Variants in SNTG1 observed in about 807,000 individuals in gnomAD.
SNTG1 encodes gamma-1-syntrophin.
SNTG1 carries 39 observed loss-of-function variants against 74.7 expected under a neutral mutation model. The ratio of observed to expected loss-of-function variants is 0.52; its 90% confidence interval spans 0.40 to 0.68. The LOEUF is 0.68. Among genes scored for constraint, SNTG1 ranks in the 30% least tolerant of loss-of-function variants. The pLI, the probability that SNTG1 is intolerant of heterozygous loss-of-function variation, is 0.00. For missense variants in SNTG1, 685 were observed against 609.5 expected (o/e 1.12, Z -1.30); for synonymous variants, 254 against 217.1 (o/e 1.17, Z -1.49).
At chr8:50,141,427 A>G (rs935323782) in intron 1 of SNTG1, among the ~76,000 whole-genome samples, 4 of 152,296 alleles carry the variant, frequency 2.6e-5, no homozygotes, top group Admixed American at 2.6e-4. Context: ...CTTGGGTTTA[A>G]TTAGCATTTT....
intron 2 of SNTG1, among the ~76,000 whole-genome samples, chr8:50,324,457 C>T (rs2090656344): frequency 6.6e-6 from 1 of 152,112 alleles, no homozygotes; most frequent in Admixed American, 6.5e-5. Flanking sequence ...ATTTTCGGTT[C>T]TTGTAATGGT....
At chr8:50,183,961 A>G (rs1016788969) in intron 2 of SNTG1, among the ~76,000 whole-genome samples, 1 of 152,172 alleles carries the variant, frequency 6.6e-6, no homozygotes, top group African/African-American at 2.4e-5. Context: ...TTATTCCCGT[A>G]TCCCTTCTTA....
chr8:50,782,893 C>A (rs2095664010), intron 18 of SNTG1, among the ~76,000 whole-genome samples: 1 of 152,030 alleles, frequency 6.6e-6, no homozygotes, highest in Non-Finnish European at 1.5e-5. Flanking sequence ...GGTGGATGTC[C>A]TTTCTGTTTG....
intron 9 of SNTG1, among the ~76,000 whole-genome samples, chr8:50,512,170 T>A (rs2094084327): frequency 6.6e-6 from 1 of 152,136 alleles, no homozygotes; most frequent in Non-Finnish European, 1.5e-5. Context: ...CTCCTTCACT[T>A]ATGAAGCTTA....
intron 2 of SNTG1, among the ~76,000 whole-genome samples, chr8:50,359,246 C>A (rs1587302551): frequency 6.6e-6 from 1 of 152,280 alleles, no homozygotes; most frequent in South Asian, 2.1e-4. Context: ...AAACCACTCC[C>A]CATGTGACAG....
At chr8:50,664,506 T>C (rs531529424) in intron 15 of SNTG1, among the ~76,000 whole-genome samples, 110 of 152,286 alleles carry the variant, frequency 7.2e-4, no homozygotes, top group African/African-American at 2.4e-3. Flanking sequence ...CCTATATTTT[T>C]GGGGGGCTGT....
At chr8:50,638,269 G>T (rs2095051362) in intron 13 of SNTG1, among the ~76,000 whole-genome samples, 1 of 152,026 alleles carries the variant, frequency 6.6e-6, no homozygotes, top group South Asian at 2.1e-4. Context: ...ATTTCATGTA[G>T]AACTGTAAGA....
chr8:50,565,961 G>C (rs1393885139), intron 12 of SNTG1, among the ~76,000 whole-genome samples: 1 of 151,882 alleles, frequency 6.6e-6, no homozygotes, highest in Non-Finnish European at 1.5e-5. Context: ...CATAGCAATG[G>C]ATATTATTTT....
chr8:50,174,561 CCTTT>C (rs955819174), intron 2 of SNTG1, among the ~76,000 whole-genome samples: 5 of 152,198 alleles, frequency 3.3e-5, no homozygotes, highest in Admixed American at 1.3e-4. Context: ...CAAAAATAAC[CCTTT>C]CTAACGCATT....
chr8:50,217,476 A>C (rs2084848420), intron 2 of SNTG1, among the ~76,000 whole-genome samples: 1 of 152,130 alleles, frequency 6.6e-6, no homozygotes, highest in South Asian at 2.1e-4. Context: ...CCTTCATAAT[A>C]TGTGCTGTCA....
chr8:49,942,703 T>C (rs556007505), intron 1 of SNTG1, among the ~76,000 whole-genome samples: 1 of 152,332 alleles, frequency 6.6e-6, no homozygotes, highest in South Asian at 2.1e-4. Flanking sequence ...TATTGGGGTT[T>C]CTTTGATGTT....
At chr8:49,996,121 T>A (rs989623482) in intron 1 of SNTG1, among the ~76,000 whole-genome samples, 1 of 152,124 alleles carries the variant, frequency 6.6e-6, no homozygotes, top group Non-Finnish European at 1.5e-5. Flanking sequence ...TTTGTCTTTT[T>A]TATTGCCATT....
chr8:50,366,451 G>A (rs940357889), intron 2 of SNTG1, among the ~76,000 whole-genome samples: 2 of 151,872 alleles, frequency 1.3e-5, no homozygotes, highest in African/African-American at 4.8e-5. Context: ...ATCTTAATCA[G>A]AAATTCATAA....
chr8:49,994,893 A>G (rs1248184519), intron 1 of SNTG1, among the ~76,000 whole-genome samples: 1 of 152,154 alleles, frequency 6.6e-6, no homozygotes, highest in Admixed American at 6.5e-5. Flanking sequence ...AAAATGTAGT[A>G]AAGGACACTT....
intron 1 of SNTG1, among the ~76,000 whole-genome samples, chr8:50,137,167 C>G (rs879933953): frequency 6.6e-6 from 1 of 152,126 alleles, no homozygotes; most frequent in Admixed American, 6.5e-5. Context: ...AAACATCCTC[C>G]CATGCAGTGT....
At chr8:50,382,584 C>G (rs2092506764) in intron 2 of SNTG1, among the ~76,000 whole-genome samples, 1 of 152,050 alleles carries the variant, frequency 6.6e-6, no homozygotes, top group Non-Finnish European at 1.5e-5. Context: ...GATAATGGGA[C>G]TGATTGACAG....
intron 2 of SNTG1, among the ~76,000 whole-genome samples, chr8:50,369,304 A>G (rs937891266): frequency 6.6e-6 from 1 of 152,222 alleles, no homozygotes; most frequent in African/African-American, 2.4e-5. Context: ...TCCTTTAAGA[A>G]AAGAAAAAGA....
At chr8:50,334,616 G>A (rs1563912089) in intron 2 of SNTG1, among the ~76,000 whole-genome samples, 1 of 152,022 alleles carries the variant, frequency 6.6e-6, no homozygotes, top group African/African-American at 2.4e-5. Context: ...GGGAGAACAT[G>A]CTGAAAGGTA....
intron 2 of SNTG1, among the ~76,000 whole-genome samples, chr8:50,251,852 G>T (rs2086660968): frequency 6.6e-6 from 1 of 152,006 alleles, no homozygotes; most frequent in Non-Finnish European, 1.5e-5. Flanking sequence ...CTATACGATA[G>T]ATCAAATGTA....
Sources: allele counts gnomAD v4.1 joint callset (sites outside exome capture counted in the v4.1 genomes callset), GRCh38; gene constraint gnomAD v4.1.1; transcripts MANE v1.5; gene names NCBI Gene and HGNC (gene_info 2026-07-23, HGNC 2026-07-21).